PIK3CA: variants seen among roughly 807,000 people sequenced by gnomAD.
PIK3CA encodes the protein phosphatidylinositol 4,5-bisphosphate 3-kinase catalytic subunit alpha isoform.
In PIK3CA, 27 loss-of-function variants were observed where a neutral mutation model predicts 138.2. The observed-to-expected ratio is 0.20, with a 90% CI of 0.14 to 0.27. The LOEUF (loss-of-function observed/expected upper bound fraction) is 0.27. Among genes scored for constraint, PIK3CA ranks in the 10% least tolerant of loss-of-function variants. The pLI is 1.00. For synonymous variants in PIK3CA, 358 were observed against 413.2 expected, an observed-to-expected ratio of 0.87 and a Z score of 1.62; for missense variants, 544 against 1,277.4, an observed-to-expected ratio of 0.43 and a Z score of 8.75.
rs1468957553 is a variant in PIK3CA, at chr3:179,239,440, T to G, written c.*5076T>G. 5.1e-6 allele frequency: 1 copy of G among 196,306 alleles called. No homozygotes were observed. The highest frequency in any genetic ancestry group is 8.0e-5 in the East Asian group (1 of 12,524). The allele number at this position is 196,306 out of a possible 1,614,324, so 12.2% of individuals were successfully genotyped here. On this transcript the variant is annotated 3_prime_UTR_variant, in exon 21 of 21. Transcript: ENST00000263967. ...AAAATCATTATCTATTTATTTCATT[T>G]TTATTTAATTTTGTTTTTATTTCAT...
At chr3:179,184,142 A>C (rs947407854) in intron 1 of PIK3CA, among the ~76,000 whole-genome samples, 3 of 152,278 alleles carry the variant, frequency 2.0e-5, no homozygotes, top group Non-Finnish European at 4.4e-5. Flanking sequence ...TAATCTTTTT[A>C]TTTGATTCAC....
intron 9 of PIK3CA, among the ~76,000 whole-genome samples, chr3:179,212,139 C>G (rs747440399): frequency 6.6e-6 from 1 of 151,854 alleles, no homozygotes; most frequent in Non-Finnish European, 1.5e-5. Context: ...TCCTGAGTAG[C>G]TGGGATTACA....
chr3:179,169,169 C>G (rs2108360707), intron 1 of PIK3CA: 1 of 152,270 alleles, frequency 6.6e-6, no homozygotes, highest in Middle Eastern at 3.4e-3. Flanking sequence ...CTGTTAAGAC[C>G]TCTTGGTTTC....
chr3:179,204,440 C>T (rs2108394087), intron 5 of PIK3CA, 63 bp from the exon 6 acceptor site: 3 of 724,620 alleles, frequency 4.1e-6, no homozygotes, highest in Middle Eastern at 3.0e-4. Context: ...TTGAGTCTAT[C>T]GAGTGTGTGC....
Position 179,235,722 on chromosome 3 carries a change from A to T in PIK3CA, c.*1358A>T. 9.6e-6 allele frequency: 2 copies of T among 207,398 alleles called. No homozygotes were observed. Among genetic ancestry groups the T allele is most frequent in the Non-Finnish European group, 2.0e-5 (2 of 101,606 alleles). The allele number at this position is 207,398 out of a possible 1,614,324, so 12.8% of individuals were successfully genotyped here. The stretch of plus-strand genomic sequence containing the variant: ...AACCATGAACTTTTTACCTTTTTAA[A>T]CTATTTATCCATATCTCCAAAGTAG... On this transcript the variant is annotated 3_prime_UTR_variant, in exon 21 of 21. Transcript: ENST00000263967.
rs2108400429 is a variant in PIK3CA at position 179,210,250 on chromosome 3, G to A, written c.1316G>A (p.Gly439Glu). ...LFDYTDTLVS[G>E]KMALNLWPVP... Reference sequence around the variant, plus strand: ...GATTACACAGACACTCTAGTATCTGGAAAAATGGCTTTGAATCTTTGGCCA... The same window carrying A: ...GATTACACAGACACTCTAGTATCTGAAAAAATGGCTTTGAATCTTTGGCCA... Residue 439 changes from glycine (G) to glutamate (E), a missense_variant, in exon 8 of 21, where the codon GGA becomes GAA. Around this residue, in one of 14 missense-constraint regions of PIK3CA, gnomAD observed 234 missense variants for 401.3 expected, o/e 0.58. Transcript: ENST00000263967. The A allele has an allele frequency of 6.3e-7, 1 of 1,598,342 alleles. No individual in the cohort carries two copies. Among genetic ancestry groups the A allele is most frequent in the Non-Finnish European group, 8.5e-7 (1 of 1,175,974 alleles).
rs1724507332 is a variant in PIK3CA, at chr3:179,204,561, C to G, written c.1118C>G (p.Thr373Ser). ...GGEPLCDNVN[T>S]QRVPCSNPRW... is the part of the protein sequence containing the mutation. Reference sequence around the variant, plus strand: ...GAACCCTTATGTGACAATGTGAACACTCAAAGAGTACCTTGTTCCAATCCC... The same window carrying G: ...GAACCCTTATGTGACAATGTGAACAGTCAAAGAGTACCTTGTTCCAATCCC... The change falls in exon 6 of 21, where the codon ACT becomes AGT. Residue 373 changes from threonine to serine, a missense_variant. Physicochemically the swap from Thr to Ser is moderately conservative, Grantham distance 58. Coordinates refer to ENST00000263967, the MANE Select transcript of PIK3CA (RefSeq NM_006218.4). 6.4e-7 allele frequency: 1 copy of G among 1,573,938 alleles called. No homozygotes were observed. The highest frequency in any genetic ancestry group is 8.7e-7 in the Non-Finnish European group (1 of 1,143,688).
intron 1 of PIK3CA, among the ~76,000 whole-genome samples, chr3:179,163,678 A>AT (rs746259240): frequency 4.6e-5 from 7 of 152,174 alleles, no homozygotes; most frequent in Non-Finnish European, 1.0e-4. Context: ...TGAGCAAAGA[A>AT]TTTGAGAAGT....
intron 18 of PIK3CA, 113 bp downstream of exon 18, chr3:179,229,555 G>A: frequency 3.0e-6 from 2 of 656,550 alleles, no homozygotes; most frequent in Non-Finnish European, 2.4e-6. Flanking sequence ...TACTTTCTAT[G>A]GAAAAAAATA....
rs1724406293 is a variant in PIK3CA, at chr3:179,201,416, G to A, written c.689G>A (p.Arg230Gln). ...VIAEAIRKKT[R>Q]SMLLSSEQLK... ...GCTGAAGCAATCAGGAAAAAAACTC[G>A]AAGTATGTTGCTATCCTCTGAACAA... Residue 230 changes from arginine to glutamine, a missense_variant, in exon 4 of 21, where the codon CGA (arginine) becomes CAA (glutamine). By Grantham distance (43) the Arg-to-Gln change is conservative. Transcript: ENST00000263967. 6.2e-7 allele frequency: 1 copy of A among 1,613,788 alleles called. No homozygotes were observed. The highest frequency in any genetic ancestry group is 8.5e-7 in the Non-Finnish European group (1 of 1,179,912).
At chr3:179,201,669 G>A (rs971376666) in intron 4 of PIK3CA, 129 bp downstream of exon 4, 15 of 604,662 alleles carry the variant, frequency 2.5e-5, no homozygotes, top group Non-Finnish European at 3.6e-5. Flanking sequence ...GCAGTGGCGC[G>A]ATCTCGGCTC....
At chr3:179,157,055 C>T (rs186838616) in intron 1 of PIK3CA, among the ~76,000 whole-genome samples, 2 of 151,862 alleles carry the variant, frequency 1.3e-5, no homozygotes, top group Admixed American at 6.6e-5. Flanking sequence ...GGAAAATTTG[C>T]GGAAAAAATA....
At chr3:179,194,587 C>T (rs1032094847) in intron 1 of PIK3CA, among the ~76,000 whole-genome samples, 1 of 152,144 alleles carries the variant, frequency 6.6e-6, no homozygotes, top group African/African-American at 2.4e-5. Flanking sequence ...ACATCTGGCC[C>T]CTACCTACCT....
chr3:179,205,221 T>G (rs1414628733), intron 6 of PIK3CA, among the ~76,000 whole-genome samples: 1 of 149,930 alleles, frequency 6.7e-6, no homozygotes, highest in Non-Finnish European at 1.5e-5. Flanking sequence ...ATATATATAT[T>G]TTACATCATT....
chr3:179,198,305 A>T (rs889809800), intron 1 of PIK3CA, among the ~76,000 whole-genome samples: 1 of 152,196 alleles, frequency 6.6e-6, no homozygotes, highest in Non-Finnish European at 1.5e-5. Flanking sequence ...GCATGGTTTT[A>T]CTTATTTTAA....
At chr3:179,217,854 A>C (rs1724872179) in intron 9 of PIK3CA, among the ~76,000 whole-genome samples, 1 of 152,114 alleles carries the variant, frequency 6.6e-6, no homozygotes, top group Non-Finnish European at 1.5e-5. Context: ...TATCAAAAAC[A>C]TTCACAGATA....
intron 1 of PIK3CA, among the ~76,000 whole-genome samples, chr3:179,150,170 C>CGTGTGTGTGT (rs35995073): frequency 0.02 from 2,931 of 147,112 alleles, 48 homozygotes; most frequent in African/African-American, 0.043. Flanking sequence ...TGTGTGTTTA[C>CGTGTGTGTGT]GTGTGTGTGT....
At chr3:179,202,948 T>G (rs951068648) in intron 4 of PIK3CA, among the ~76,000 whole-genome samples, 4 of 149,198 alleles carry the variant, frequency 2.7e-5, no homozygotes, top group Non-Finnish European at 4.5e-5. Flanking sequence ...TGTTTTTTTT[T>G]TTTTTTTTTT....
intron 1 of PIK3CA, among the ~76,000 whole-genome samples, chr3:179,181,248 A>G (rs1723837802): frequency 6.6e-6 from 1 of 152,168 alleles, no homozygotes; most frequent in Admixed American, 6.5e-5. Flanking sequence ...GAATTTCTAG[A>G]CTAAATTACT....
Sources: allele counts gnomAD v4.1 joint callset (sites outside exome capture counted in the v4.1 genomes callset), GRCh38; gene constraint gnomAD v4.1.1; regional missense constraint gnomAD v4.1.1; transcripts MANE v1.5; gene names NCBI Gene and HGNC (gene_info 2026-07-23, HGNC 2026-07-21).